CAB39: variants seen among roughly 807,000 people sequenced by gnomAD.
CAB39 encodes the protein calcium-binding protein 39.
Under a neutral mutation model 40.0 loss-of-function variants are expected in CAB39, and 8 were observed. The observed-to-expected ratio is 0.20, with a 90% CI of 0.12 to 0.36. CAB39 has a LOEUF of 0.36. CAB39 is among the 10% of genes least tolerant of loss of function. CAB39 has a pLI of 1.00. For missense variants in CAB39, 270 were observed against 401.1 expected (o/e 0.67, Z 2.79); for synonymous variants, 156 against 141.6 (o/e 1.10, Z -0.72).
chr2:230,756,453 T>G (rs1695191475), intron 1 of CAB39, among the ~76,000 whole-genome samples: 1 of 152,208 alleles, frequency 6.6e-6, no homozygotes, highest in Admixed American at 6.5e-5. Flanking sequence ...CATGACTGTG[T>G]AAGATATTTA....
chr2:230,751,075 G>A lies in CAB39; in HGVS notation c.-43-8884G>A, dbSNP rs1000346536. Among the ~76,000 whole-genome samples the A allele has an allele frequency of 3.3e-5, 5 of 152,208 alleles. No individual in the cohort carries two copies. In the South Asian group the frequency reaches 8.3e-4, roughly 25 times the overall value. ...TGGAAGCAAGGGATTAAGTCTTAGA[G>A]CCAGTTATCTAAAAAGAATGTGTTC... On this transcript the variant is annotated intron_variant, in intron 1 of 8. Coordinates refer to ENST00000258418, the MANE Select transcript of CAB39 (RefSeq NM_016289.4).
chr2:230,746,753 C>A (rs140477839), intron 1 of CAB39, among the ~76,000 whole-genome samples: 1 of 152,046 alleles, frequency 6.6e-6, no homozygotes, highest in Non-Finnish European at 1.5e-5. Flanking sequence ...CTAGTCAACT[C>A]TTGGTTATTT....
Position 230,818,874 on chromosome 2 carries a change from G to T in CAB39, c.*170G>T. ...GTCCAGGTTGGAGATCGTAGCTGCTGCTGCTTGCACACTAGGGCACATGTG... is the reference window on the plus strand; with the variant it reads ...GTCCAGGTTGGAGATCGTAGCTGCTTCTGCTTGCACACTAGGGCACATGTG... On this transcript the variant is annotated 3_prime_UTR_variant, in exon 9 of 9. Transcript: ENST00000258418. The T allele has an allele frequency of 1.8e-6, 1 of 562,162 alleles. No individual in the cohort carries two copies. Among genetic ancestry groups the T allele is most frequent in the Non-Finnish European group, 3.2e-6 (1 of 315,934 alleles). 34.8% of individuals were successfully genotyped at this position (562,162 alleles called of 1,614,324 possible). A position where few individuals can be genotyped will look rare whatever the true frequency, so the allele number is the denominator to read the frequency against.
chr2:230,726,505 G>A (rs1281386361), intron 1 of CAB39, among the ~76,000 whole-genome samples: 1 of 151,808 alleles, frequency 6.6e-6, no homozygotes, highest in Non-Finnish European at 1.5e-5. Flanking sequence ...CCTTTTACTT[G>A]TGTTCATTAT....
At chr2:230,775,251 T>C (rs1695565612) in intron 2 of CAB39, among the ~76,000 whole-genome samples, 1 of 151,904 alleles carries the variant, frequency 6.6e-6, no homozygotes, top group Non-Finnish European at 1.5e-5. Context: ...CTTTTTTTTT[T>C]TTTGAAACAG....
intron 1 of CAB39, chr2:230,725,328 T>C: frequency 1.3e-6 from 2 of 1,577,836 alleles, no homozygotes; most frequent in South Asian, 2.2e-5. Context: ...ACTTCACCAA[T>C]CCCAGCCAGG....
intron 2 of CAB39, among the ~76,000 whole-genome samples, chr2:230,772,862 A>C (rs1315400409): frequency 1.3e-5 from 2 of 152,040 alleles, no homozygotes; most frequent in South Asian, 2.1e-4. Context: ...AGAGAACAAG[A>C]AATATATGTT....
At chr2:230,717,652 T>G (rs891503299) in intron 1 of CAB39, among the ~76,000 whole-genome samples, 2 of 152,102 alleles carry the variant, frequency 1.3e-5, no homozygotes. Context: ...ATGAGAAGAG[T>G]TACTACAGGC....
rs1472180696 is a variant in CAB39, at chr2:230,748,994, G to GC, written c.-43-10959dup. ...ACAGAAAAAGGCAGGATAAATGTGCGCCCCCCGCCCCCGTGTTTTTTTTTT... is the reference window on the plus strand; with the variant it reads ...ACAGAAAAAGGCAGGATAAATGTGCGCCCCCCCGCCCCCGTGTTTTTTTTTT... On this transcript the variant is annotated intron_variant, in intron 1 of 8. Transcript: ENST00000258418. Among the ~76,000 whole-genome samples the GC allele has an allele frequency of 5.0e-4, 72 of 143,130 alleles. 1 individual carries two copies. Among genetic ancestry groups the GC allele is most frequent in the African/African-American group, 1.5e-3 (57 of 38,302 alleles). The allele number at this position is 143,130 out of a possible 152,430, so 93.9% of individuals were successfully genotyped here.
At chr2:230,776,960 T>G (rs1273656070) in intron 2 of CAB39, among the ~76,000 whole-genome samples, 4 of 152,226 alleles carry the variant, frequency 2.6e-5, no homozygotes, top group Admixed American at 6.5e-5. Flanking sequence ...GTGCTGAGAT[T>G]ACAGGCTTGA....
At chr2:230,767,009 C>T (rs979995635) in intron 2 of CAB39, among the ~76,000 whole-genome samples, 1 of 152,172 alleles carries the variant, frequency 6.6e-6, no homozygotes, top group Non-Finnish European at 1.5e-5. Context: ...GAAGAAAGCT[C>T]AAGGATGTTG....
intron 1 of CAB39, among the ~76,000 whole-genome samples, chr2:230,741,157 A>G (rs1050981316): frequency 2.4e-4 from 37 of 152,218 alleles, no homozygotes; most frequent in Non-Finnish European, 4.3e-4. Flanking sequence ...GATAAATTTT[A>G]TAGGAATTTG....
rs1038949062 is a variant in CAB39, at chr2:230,742,452, G to A, written c.-43-17507G>A. On this transcript the variant is annotated intron_variant, in intron 1 of 8. Transcript: ENST00000258418. ...GGCCTCCCACAGTGCTGGGATTACA[G>A]GCGTGAGCCCCCACGCCTGGCCAAT... is the stretch of plus-strand genomic sequence containing the variant. Among the ~76,000 whole-genome samples, 77 of 152,138 alleles carry A rather than the reference G, an allele frequency of 5.1e-4. 1 individual carries two copies. Among genetic ancestry groups the A allele is most frequent in the African/African-American group, 1.7e-3 (69 of 41,492 alleles).
At position 230,778,145 on chromosome 2, in the gene CAB39, T is replaced by A. The variant is rs565824726; in HGVS notation, c.115-12727T>A. Among the ~76,000 whole-genome samples the A allele has an allele frequency of 3.9e-5, 6 of 152,364 alleles. No homozygotes were observed. In the South Asian group the frequency reaches 1.2e-3, roughly 32 times the overall value. ...TTCAGCATGTTACTATGTTTGTCTT[T>A]AAGTGTGCTTTCTATATTGAGGTTA... is the stretch of plus-strand genomic sequence containing the variant. On this transcript the variant is annotated intron_variant, in intron 2 of 8. Coordinates refer to ENST00000258418, the MANE Select transcript of CAB39 (RefSeq NM_016289.4).
intron 2 of CAB39, among the ~76,000 whole-genome samples, chr2:230,785,604 G>C (rs1695775625): frequency 6.6e-6 from 1 of 151,982 alleles, no homozygotes; most frequent in Admixed American, 6.6e-5. Flanking sequence ...GGCGGGTGCA[G>C]TATCAGCTGG....
rs533931317 is a variant in CAB39, at chr2:230,811,106, G to A, written c.627+784G>A. ...TCGTCGAAGATTCTGATAGGTACCC[G>A]TAAAGAGGTTAGAAGAATGACAATC... On this transcript the variant is annotated intron_variant, in intron 6 of 8. Transcript: ENST00000258418. Among the ~76,000 whole-genome samples, 16 of 152,288 alleles carry A rather than the reference G, an allele frequency of 1.1e-4. No homozygotes were observed. In the South Asian group the frequency reaches 3.3e-3, roughly 32 times the overall value.
At chr2:230,806,137 A>G (rs1696189500) in intron 5 of CAB39, among the ~76,000 whole-genome samples, 1 of 152,186 alleles carries the variant, frequency 6.6e-6, no homozygotes, top group Non-Finnish European at 1.5e-5. Context: ...TAAGTATAAT[A>G]ATTACTAGGA....
intron 1 of CAB39, among the ~76,000 whole-genome samples, chr2:230,741,163 A>C (rs1694870649): frequency 6.6e-6 from 1 of 152,182 alleles, no homozygotes. Context: ...TTTTATAGGA[A>C]TTTGGTTGCT....
intron 5 of CAB39, among the ~76,000 whole-genome samples, chr2:230,809,510 T>G (rs897357723): frequency 2.0e-5 from 3 of 152,218 alleles, no homozygotes; most frequent in Non-Finnish European, 4.4e-5. Context: ...CCAAGGCTAG[T>G]CCTTTGCTAA....
Sources: gnomAD v4.1 joint callset for allele counts (sites outside exome capture counted in the v4.1 genomes callset) on GRCh38, gnomAD v4.1.1 for gene constraint, MANE v1.5 for transcripts, NCBI Gene and HGNC (gene_info 2026-07-23, HGNC 2026-07-21) for gene names.